BTBD9: variants seen among roughly 807,000 people sequenced by gnomAD.
The protein encoded by BTBD9 is BTB domain containing 9.
Under a neutral mutation model 64.3 loss-of-function variants are expected in BTBD9, and 49 were observed. The observed-to-expected ratio is 0.76, with a 90% CI of 0.61 to 0.97. BTBD9 has a LOEUF of 0.97. BTBD9 is among the 50% of genes least tolerant of loss of function. The pLI is 0.00. For synonymous variants in BTBD9, 260 were observed against 274.7 expected (o/e 0.95, Z 0.53); for missense variants, 598 against 762.1 (o/e 0.78, Z 2.53).
intron 4 of BTBD9, 87 bp from the exon 5 acceptor site, chr6:38,580,524 T>A (rs1776238636): frequency 3.6e-6 from 4 of 1,113,110 alleles, no homozygotes; most frequent in Non-Finnish European, 5.3e-6. Flanking sequence ...GCATTCCAGT[T>A]TATTCTAGTA....
At chr6:38,181,625 C>T (rs1358027651) in intron 10 of BTBD9, among the ~76,000 whole-genome samples, 2 of 152,150 alleles carry the variant, frequency 1.3e-5, no homozygotes, top group Non-Finnish European at 2.9e-5. Context: ...AAGACGAGTG[C>T]CTCCAACAAA....
chr6:38,518,102 A>T (rs1773119677), intron 6 of BTBD9, among the ~76,000 whole-genome samples: 1 of 152,228 alleles, frequency 6.6e-6, no homozygotes, highest in Admixed American at 6.5e-5. Flanking sequence ...ACAGTAGCAA[A>T]TGTCACTAAC....
chr6:38,555,920 C>T (rs947539908), intron 6 of BTBD9, among the ~76,000 whole-genome samples: 2 of 152,154 alleles, frequency 1.3e-5, no homozygotes, highest in Non-Finnish European at 1.5e-5. Context: ...TCCGAACAAT[C>T]AGTAAAACAC....
chr6:38,405,127 C>G (rs900564746), intron 6 of BTBD9, among the ~76,000 whole-genome samples: 1 of 152,126 alleles, frequency 6.6e-6, no homozygotes, highest in Non-Finnish European at 1.5e-5. Flanking sequence ...TTGAGTTGTG[C>G]AATTCTAGGA....
chr6:38,271,412 A>T (rs1765191897), intron 8 of BTBD9, among the ~76,000 whole-genome samples: 1 of 152,134 alleles, frequency 6.6e-6, no homozygotes, highest in Non-Finnish European at 1.5e-5. Context: ...TATTATTCAC[A>T]TTTTTTTGAA....
Position 38,171,587 on chromosome 6 carries a change from TGTGTG to T in BTBD9, c.*3393_*3397del, listed in dbSNP as rs1766765742. ...GTGTGTGTGTGTGTGTGTGTGTGTG[TGTGTG>T]TGTGTGTGTGTGAGAGGGAGAGACG... On this transcript the variant is annotated 3_prime_UTR_variant, in exon 11 of 11. Coordinates refer to ENST00000481247, the MANE Select transcript of BTBD9 (RefSeq NM_001099272.2). 1 of 46,946 alleles carries T rather than the reference TGTGTG, an allele frequency of 2.1e-5. No homozygotes were observed. Among genetic ancestry groups the T allele is most frequent in the Non-Finnish European group, 6.4e-5 (1 of 15,612 alleles). 2.9% of individuals were successfully genotyped at this position (46,946 alleles called of 1,614,324 possible). A position where few individuals can be genotyped will look rare whatever the true frequency, so the allele number is the denominator to read the frequency against.
At chr6:38,567,439 A>G (rs1775572410) in intron 6 of BTBD9, among the ~76,000 whole-genome samples, 1 of 152,228 alleles carries the variant, frequency 6.6e-6, no homozygotes, top group Non-Finnish European at 1.5e-5. Flanking sequence ...AGGCCGCTAA[A>G]GAAAATATTA....
rs562025859 is a variant in BTBD9 at position 38,428,072 on chromosome 6, C to G, written c.1155-82979G>C. 2.4e-4 allele frequency among the ~76,000 whole-genome samples: 37 copies of G among 151,930 alleles called. 1 individual carries two copies. The highest frequency in any genetic ancestry group is 8.7e-4 in the African/African-American group (36 of 41,266). On this transcript the variant is annotated intron_variant, in intron 6 of 10. Transcript: ENST00000481247. ...CAAAGGAATGAGGAACAAAGAGCAG[C>G]TACTCTGAGGGCTGAAAGTTCTAGG...
chr6:38,302,485 G>GTATGTGTGTGTGTGTGTATA (rs1384155514), intron 7 of BTBD9, among the ~76,000 whole-genome samples: 15 of 106,894 alleles, frequency 1.4e-4, no homozygotes, highest in African/African-American at 5.3e-4. Context: ...TTGTGTGTAT[G>GTATGTGTGTGTGTGTGTATA]TATATATATA....
At chr6:38,492,603 A>ATC (rs1208096246) in intron 6 of BTBD9, among the ~76,000 whole-genome samples, 8 of 152,244 alleles carry the variant, frequency 5.3e-5, no homozygotes, top group Non-Finnish European at 1.0e-4. Context: ...ACATGTAAGA[A>ATC]TAAACATAAT....
intron 6 of BTBD9, among the ~76,000 whole-genome samples, chr6:38,561,896 C>G (rs549498977): frequency 2.0e-5 from 3 of 152,206 alleles, no homozygotes; most frequent in Non-Finnish European, 4.4e-5. Context: ...ACCCATGTGA[C>G]AAACCTGCAT....
At chr6:38,366,911 T>G (rs1475033955) in intron 6 of BTBD9, among the ~76,000 whole-genome samples, 3 of 152,246 alleles carry the variant, frequency 2.0e-5, no homozygotes, top group African/African-American at 7.2e-5. Context: ...TTAGGTAAGG[T>G]AAGCACACAA....
intron 6 of BTBD9, among the ~76,000 whole-genome samples, chr6:38,560,232 G>T (rs1775208480): frequency 6.6e-6 from 1 of 151,854 alleles, no homozygotes; most frequent in Admixed American, 6.6e-5. Context: ...AAAACAAATA[G>T]CTCCATTAAA....
At chr6:38,453,069 G>A (rs564862067) in intron 6 of BTBD9, among the ~76,000 whole-genome samples, 10 of 152,166 alleles carry the variant, frequency 6.6e-5, no homozygotes, top group Non-Finnish European at 1.3e-4. Flanking sequence ...GCTAGAAAGC[G>A]TATAACAGAT....
chr6:38,454,928 A>G (rs1170827643), intron 6 of BTBD9, among the ~76,000 whole-genome samples: 4 of 152,170 alleles, frequency 2.6e-5, no homozygotes, highest in Non-Finnish European at 5.9e-5. Flanking sequence ...AAAGAAAGTC[A>G]TTGCCATCTG....
intron 7 of BTBD9, among the ~76,000 whole-genome samples, chr6:38,343,845 A>T: frequency 6.6e-6 from 1 of 152,160 alleles, no homozygotes. Flanking sequence ...TCTATAAGTA[A>T]AGGATTAGGT....
intron 6 of BTBD9, among the ~76,000 whole-genome samples, chr6:38,511,013 G>A (rs1463403564): frequency 6.6e-6 from 1 of 151,966 alleles, no homozygotes; most frequent in Non-Finnish European, 1.5e-5. Context: ...TTATATATAG[G>A]GTTGCTTACA....
At chr6:38,417,781 A>AGG (rs1767732986) in intron 6 of BTBD9, among the ~76,000 whole-genome samples, 2 of 98,810 alleles carry the variant, frequency 2.0e-5, no homozygotes, top group Admixed American at 2.1e-4. Context: ...TCGAGGAGAG[A>AGG]GAGAGAGAGA....
At chr6:38,406,097 C>A (rs1422301458) in intron 6 of BTBD9, among the ~76,000 whole-genome samples, 1 of 152,094 alleles carries the variant, frequency 6.6e-6, no homozygotes, top group Non-Finnish European at 1.5e-5. Flanking sequence ...GAGCTTAGAT[C>A]CAACACACAT....
Sources: gnomAD v4.1 joint callset for allele counts (sites outside exome capture counted in the v4.1 genomes callset) on GRCh38, gnomAD v4.1.1 for gene constraint, MANE v1.5 for transcripts, NCBI Gene and HGNC (gene_info 2026-07-23, HGNC 2026-07-21) for gene names.